PPARGC1A: variants seen among roughly 807,000 people sequenced by gnomAD.
The protein encoded by PPARGC1A is PPARG coactivator 1 alpha, also known as peroxisome proliferator-activated receptor gamma coactivator 1-alpha.
In PPARGC1A, 25 loss-of-function variants were observed where a neutral mutation model predicts 88.7. The observed-to-expected ratio is 0.28, with a 90% CI of 0.21 to 0.39. PPARGC1A has a LOEUF of 0.39. Among genes scored for constraint, PPARGC1A ranks in the 10% least tolerant of loss-of-function variants. The pLI, the probability that PPARGC1A is intolerant of heterozygous loss-of-function variation, is 1.00. For missense variants in PPARGC1A, 880 were observed against 968.7 expected (o/e 0.91, Z 1.22); for synonymous variants, 363 against 355.6 (o/e 1.02, Z -0.24).
At chr4:24,289,578 A>G in the PPARGC1A span, among the ~76,000 whole-genome samples, 2 of 152,124 alleles carry the variant, frequency 1.3e-5, no homozygotes, top group East Asian at 1.9e-4. Flanking sequence ...TTCTTTCTCT[A>G]ACTCCTGGGA....
At chr4:24,175,974 A>C in the PPARGC1A span, among the ~76,000 whole-genome samples, 1 of 151,910 alleles carries the variant, frequency 6.6e-6, no homozygotes, top group East Asian at 1.9e-4. Context: ...TCAAATGCAA[A>C]CTCTCTGGGG....
the PPARGC1A span, among the ~76,000 whole-genome samples, chr4:24,159,930 G>T: frequency 1.3e-5 from 2 of 152,212 alleles, no homozygotes; most frequent in African/African-American, 4.8e-5. Context: ...TCCCTGATGA[G>T]CAAGAGAGAG....
the PPARGC1A span, among the ~76,000 whole-genome samples, chr4:24,216,926 T>TA: frequency 1.3e-5 from 2 of 152,154 alleles, no homozygotes; most frequent in Non-Finnish European, 2.9e-5. Flanking sequence ...AACTAAGTAA[T>TA]ATACCTACCA....
At chr4:23,799,116 C>T (rs1718173110) in intron 12 of PPARGC1A, among the ~76,000 whole-genome samples, 3 of 152,096 alleles carry the variant, frequency 2.0e-5, no homozygotes, top group Admixed American at 6.6e-5. Context: ...TGTGTATGCT[C>T]CTAACCCCTG....
the PPARGC1A span, among the ~76,000 whole-genome samples, chr4:24,400,925 A>G: frequency 2.6e-5 from 4 of 152,118 alleles, no homozygotes; most frequent in South Asian, 2.1e-4. Flanking sequence ...TAAAACTCCA[A>G]AGAGGCATGA....
the PPARGC1A span, among the ~76,000 whole-genome samples, chr4:24,360,538 A>G: frequency 1.3e-5 from 2 of 152,204 alleles, no homozygotes; most frequent in East Asian, 1.9e-4. Flanking sequence ...CTCCCTGCCT[A>G]AAAAAGGAGC....
At chr4:23,868,774 C>T (rs1712624042) in intron 2 of PPARGC1A, among the ~76,000 whole-genome samples, 1 of 152,204 alleles carries the variant, frequency 6.6e-6, no homozygotes. Context: ...AATGTAAACA[C>T]AGACCAAAAC....
chr4:24,002,604 CTT>C, the PPARGC1A span, among the ~76,000 whole-genome samples: 238 of 136,306 alleles, frequency 1.7e-3, 1 homozygote, highest in Middle Eastern at 0.022. Context: ...GTGCATGCTG[CTT>C]TTTTTTTTTT....
chr4:24,062,790 A>C, the PPARGC1A span, among the ~76,000 whole-genome samples: 2 of 152,240 alleles, frequency 1.3e-5, no homozygotes, highest in African/African-American at 4.8e-5. Context: ...CTACCAATTC[A>C]AATAGTCAGA....
At chr4:24,007,863 G>A in the PPARGC1A span, among the ~76,000 whole-genome samples, 26 of 152,230 alleles carry the variant, frequency 1.7e-4, no homozygotes, top group African/African-American at 6.0e-4. Flanking sequence ...TGGTCCAGTC[G>A]AGAACTGATA....
chr4:23,808,269 C>T (rs1390923383), intron 10 of PPARGC1A, among the ~76,000 whole-genome samples: 2 of 131,630 alleles, frequency 1.5e-5, no homozygotes, highest in South Asian at 2.5e-4. Flanking sequence ...AAAAAAAAAA[C>T]CCTGAGTAAT....
At chr4:24,242,012 T>C in the PPARGC1A span, among the ~76,000 whole-genome samples, 1 of 152,236 alleles carries the variant, frequency 6.6e-6, no homozygotes, top group Non-Finnish European at 1.5e-5. Context: ...ATCAGAGTGC[T>C]GTGCCCTGCT....
chr4:23,952,783 G>A, the PPARGC1A span, among the ~76,000 whole-genome samples: 1 of 152,018 alleles, frequency 6.6e-6, no homozygotes, highest in Non-Finnish European at 1.5e-5. Context: ...TCTCCACTCA[G>A]CTAAAGACTT....
At chr4:24,364,341 G>A in the PPARGC1A span, among the ~76,000 whole-genome samples, 10 of 152,094 alleles carry the variant, frequency 6.6e-5, no homozygotes, top group African/African-American at 1.7e-4. Context: ...ATGACATTTC[G>A]GATGAGAAAA....
chr4:24,318,635 G>GA, the PPARGC1A span, among the ~76,000 whole-genome samples: 1 of 152,222 alleles, frequency 6.6e-6, no homozygotes, highest in Non-Finnish European at 1.5e-5. Flanking sequence ...TTTAAGCACT[G>GA]AAAAAAGCAC....
the PPARGC1A span, among the ~76,000 whole-genome samples, chr4:24,231,116 A>C: frequency 6.7e-6 from 1 of 149,950 alleles, no homozygotes. Context: ...AGGGCTCAGC[A>C]GTGCTTCCAA....
At chr4:24,225,539 ACAC>A in the PPARGC1A span, among the ~76,000 whole-genome samples, 1 of 129,814 alleles carries the variant, frequency 7.7e-6, no homozygotes. Context: ...CAAAAAAAAA[ACAC>A]ACACACACAC....
chr4:24,053,971 T>G, the PPARGC1A span, among the ~76,000 whole-genome samples: 22 of 152,036 alleles, frequency 1.4e-4, no homozygotes, highest in African/African-American at 4.8e-4. Context: ...CAGAACACCA[T>G]GAAGATATGA....
At chr4:24,143,597 AGATG>A in the PPARGC1A span, among the ~76,000 whole-genome samples, 6 of 150,156 alleles carry the variant, frequency 4.0e-5, no homozygotes, top group African/African-American at 5.0e-5. Context: ...TTAGACAGAT[AGATG>A]GATGGATAGA....
Sources: allele counts gnomAD v4.1 joint callset (sites outside exome capture counted in the v4.1 genomes callset), GRCh38; gene constraint gnomAD v4.1.1; transcripts MANE v1.5; gene names NCBI Gene and HGNC (gene_info 2026-07-23, HGNC 2026-07-21).